DENND3: variants seen among roughly 807,000 people sequenced by gnomAD.
DENND3 encodes the protein DENN domain containing 3.
Under a neutral mutation model 135.1 loss-of-function variants are expected in DENND3, and 88 were observed. The observed-to-expected ratio is 0.65, with a 90% CI of 0.55 to 0.78. The LOEUF (loss-of-function observed/expected upper bound fraction) is 0.78, where lower values mean the gene tolerates loss of function less well. Ranked by LOEUF, DENND3 falls within the 30% of genes least tolerant of loss-of-function variation. The pLI, the probability that DENND3 is intolerant of heterozygous loss-of-function variation, is 0.00. For missense variants in DENND3, 1,392 were observed against 1,688.4 expected (o/e 0.82, Z 3.08); for synonymous variants, 693 against 712.3 (o/e 0.97, Z 0.43).
chr8:141,163,469 A>G (rs776914128), intron 10 of DENND3, 40 bp downstream of exon 10: 2 of 1,248,500 alleles, frequency 1.6e-6, no homozygotes, highest in Non-Finnish European at 1.2e-6. Context: ...TGTGTGTTCA[A>G]TCCATTATCC....
rs1164138968 is a variant in DENND3, at chr8:141,137,635, T to A, written c.386-387T>A. Among the ~76,000 whole-genome samples the A allele has an allele frequency of 6.6e-6, 1 of 152,216 alleles. No homozygotes were observed. The highest frequency in any genetic ancestry group is 1.5e-5 in the Non-Finnish European group (1 of 68,042). On this transcript the variant is annotated intron_variant, in intron 2 of 22. Coordinates refer to ENST00000519811, the MANE Select transcript of DENND3 (RefSeq NM_001352890.3). This position sits in a 1 kb window ranked among gnomAD's most constrained non-coding sequence, Gnocchi z 4.1. Reference sequence around the variant, plus strand: ...TTGCATTTTGGGGCGTTATTTTTCCTGTGGTCTTCAGGAATGTTAAAATGG... The same window carrying A: ...TTGCATTTTGGGGCGTTATTTTTCCAGTGGTCTTCAGGAATGTTAAAATGG...
At chr8:141,162,783 G>C (rs1205192215) in intron 9 of DENND3, among the ~76,000 whole-genome samples, 1 of 152,212 alleles carries the variant, frequency 6.6e-6, no homozygotes, top group Non-Finnish European at 1.5e-5. Context: ...GCATGGTGGT[G>C]TGTACCTGTA....
At position 141,128,690 on chromosome 8, in the gene DENND3, G is replaced by A. The variant is rs1241972431; in HGVS notation, c.-18G>A. The A allele has an allele frequency of 2.9e-6, 4 of 1,371,414 alleles. No individual in the cohort carries two copies. The highest frequency in any genetic ancestry group is 3.2e-5 in the Admixed American group (1 of 31,020). The allele number at this position is 1,371,414 out of a possible 1,614,324, so 85.0% of individuals were successfully genotyped here. A position where few individuals can be genotyped will look rare whatever the true frequency, so the allele number is the denominator to read the frequency against. ...TGAGGCGCCCGAGTGCGGTACTGGC[G>A]GCGGGCGGCGGGCAGCCATGGCGGA... On this transcript the variant is annotated 5_prime_UTR_variant, in exon 1 of 23. Transcript: ENST00000519811. The surrounding 1 kb of genome is among the most constrained non-coding windows in gnomAD (Gnocchi z 4.5).
chr8:141,164,218 C>T (rs1182089435), intron 10 of DENND3, among the ~76,000 whole-genome samples: 2 of 152,230 alleles, frequency 1.3e-5, no homozygotes, highest in African/African-American at 4.8e-5. Context: ...TCAGCGGCGG[C>T]TCCTTTTTTT....
intron 16 of DENND3, among the ~76,000 whole-genome samples, chr8:141,179,614 C>T (rs967317588): frequency 2.6e-5 from 4 of 152,210 alleles, no homozygotes; most frequent in Non-Finnish European, 5.9e-5. Context: ...AAATAATACC[C>T]GAAGATGTCA....
chr8:141,178,628 C>T (rs551841161), intron 16 of DENND3, among the ~76,000 whole-genome samples: 1 of 152,306 alleles, frequency 6.6e-6, no homozygotes, highest in South Asian at 2.1e-4. Flanking sequence ...AAGCTGGGAA[C>T]GTCTACACAG....
chr8:141,165,534 C>G (rs1259453942), intron 11 of DENND3, among the ~76,000 whole-genome samples: 1 of 151,616 alleles, frequency 6.6e-6, no homozygotes, highest in Non-Finnish European at 1.5e-5. Context: ...GCTCAATCTC[C>G]GCTCACTGCA....
intron 9 of DENND3, among the ~76,000 whole-genome samples, chr8:141,161,141 A>G (rs1820084913): frequency 1.3e-5 from 2 of 152,154 alleles, no homozygotes; most frequent in African/African-American, 4.8e-5. Context: ...AGGAAGACGC[A>G]AATCTGATAA....
At chr8:141,192,976 C>T (rs1326304817) in intron 22 of DENND3, 3 of 1,161,338 alleles carry the variant, frequency 2.6e-6, no homozygotes, top group South Asian at 1.6e-5. Context: ...AGAGCCGCTT[C>T]CCTCGGGGGC....
chr8:141,140,874 A>AT (rs1452835324), intron 3 of DENND3, among the ~76,000 whole-genome samples: 1 of 152,034 alleles, frequency 6.6e-6, no homozygotes, highest in Non-Finnish European at 1.5e-5. Flanking sequence ...TGGCCCCTGC[A>AT]TTTTCTCCCC....
chr8:141,173,009 GTCAGAGGCGGAGGTGGCTGAGGCAC>G (rs1437694755), intron 13 of DENND3, among the ~76,000 whole-genome samples: 2 of 150,130 alleles, frequency 1.3e-5, no homozygotes, highest in African/African-American at 4.9e-5. Flanking sequence ...AGGCACCCCA[GTCAGAGGCGGAGGTGGCTGAGGCAC>G]CCCAGTCAGA....
chr8:141,193,022 C>T (rs932102612), intron 22 of DENND3: 1 of 704,908 alleles, frequency 1.4e-6, no homozygotes, highest in South Asian at 2.1e-5. Context: ...CTTCTCTCCC[C>T]CACCCGCTCA....
chr8:141,152,970 T>C (rs1164325384), intron 7 of DENND3, among the ~76,000 whole-genome samples: 2 of 152,208 alleles, frequency 1.3e-5, no homozygotes, highest in Non-Finnish European at 2.9e-5. Flanking sequence ...GGAGCTGGTA[T>C]CTCACTGTGG....
chr8:141,179,685 G>A (rs531387430), intron 16 of DENND3, among the ~76,000 whole-genome samples: 27 of 152,244 alleles, frequency 1.8e-4, no homozygotes, highest in East Asian at 5.8e-4. Context: ...ACCGCAGCCC[G>A]GTGTAGCCCG....
In DENND3 at chr8:141,154,092, C is replaced by T. The variant is rs540306184; in HGVS notation, c.1075-1757C>T. 2.6e-5 allele frequency among the ~76,000 whole-genome samples: 4 copies of T among 152,274 alleles called. No homozygotes were observed. The highest frequency in any genetic ancestry group is 2.1e-4 in the South Asian group (1 of 4,826). On this transcript the variant is annotated intron_variant, in intron 7 of 22. Transcript: ENST00000519811. The surrounding 1 kb of genome is among the most constrained non-coding windows in gnomAD (Gnocchi z 4.4). ...CCGGCTGTGTGCCTCGCTGCTTTAG[C>T]GTTTTGTGTATTTGCCTTGTAAGGT...
chr8:141,189,774 A>G (rs1276387716), intron 19 of DENND3, among the ~76,000 whole-genome samples: 1 of 152,180 alleles, frequency 6.6e-6, no homozygotes, highest in East Asian at 1.9e-4. Flanking sequence ...GTCTGGAAGC[A>G]AAGCTGGCTC....
At chr8:141,180,505 G>A (rs913024978) in intron 16 of DENND3, among the ~76,000 whole-genome samples, 14 of 152,192 alleles carry the variant, frequency 9.2e-5, no homozygotes, top group Non-Finnish European at 1.2e-4. Flanking sequence ...GAGGTGTGGT[G>A]TGGACACAGG....
rs1383183140 is a variant in DENND3 at position 141,176,761 on chromosome 8, G to A, written c.2706G>A (p.Lys902=). ...WAGKKLADDH[K]DPHYVQQALT... Reference sequence around the variant, plus strand: ...GGAAGAAGCTGGCCGATGACCACAAGGTGGGAGACGCGGGTCCCCTCTGCC... The same window carrying A: ...GGAAGAAGCTGGCCGATGACCACAAAGTGGGAGACGCGGGTCCCCTCTGCC... The change falls in exon 15 of 23, where the codon AAG becomes AAA. Residue 902 remains lysine, a splice_region_variant and synonymous_variant. Coordinates refer to ENST00000519811, the MANE Select transcript of DENND3 (RefSeq NM_001352890.3). 6.2e-7 allele frequency: 1 copy of A among 1,612,336 alleles called. No homozygotes were observed. Among genetic ancestry groups the A allele is most frequent in the East Asian group, 2.2e-5 (1 of 44,852 alleles).
Position 141,136,791 on chromosome 8 carries a change from G to C in DENND3, c.385G>C (p.Gly129Arg). ...LLTLPQLCFPGGVCVATEPKE... is the reference protein window; with the variant it reads ...LLTLPQLCFPRGVCVATEPKE... ...CACCCTGCCGCAGCTGTGCTTCCCA[G>C]GTATGTCTAGGAGGTGGGCACCACT... The change falls in exon 2 of 23, where the codon GGG (glycine) becomes CGG (arginine). Residue 129 changes from glycine to arginine, a missense_variant and splice_region_variant. Gly to Arg is a moderately radical substitution (Grantham distance 125). Coordinates refer to ENST00000519811, the MANE Select transcript of DENND3 (RefSeq NM_001352890.3). 2 of 1,567,398 alleles carry C rather than the reference G, an allele frequency of 1.3e-6. No individual in the cohort carries two copies. The highest frequency in any genetic ancestry group is 1.7e-6 in the Non-Finnish European group (2 of 1,157,480).
Sources: gnomAD v4.1 joint callset for allele counts (sites outside exome capture counted in the v4.1 genomes callset) on GRCh38, gnomAD v4.1.1 for gene constraint, Gnocchi (gnomAD v3.1) non-coding constraint, MANE v1.5 for transcripts, NCBI Gene and HGNC (gene_info 2026-07-23, HGNC 2026-07-21) for gene names.